Variants in OGFOD2 observed in about 807,000 individuals in gnomAD.
OGFOD2 encodes 2-oxoglutarate and iron-dependent oxygenase domain-containing protein 2.
Under a neutral mutation model 31.1 loss-of-function variants are expected in OGFOD2, and 34 were observed. The ratio of observed to expected loss-of-function variants is 1.09; its 90% confidence interval spans 0.83 to 1.45. The LOEUF is 1.45. OGFOD2 is among the 40% of genes most tolerant of loss of function. The pLI is 0.00. For synonymous variants in OGFOD2, 240 were observed against 192.3 expected, an observed-to-expected ratio of 1.25 and a Z score of -2.05; for missense variants, 537 against 433.9, an observed-to-expected ratio of 1.24 and a Z score of -2.11.
At chr12:122,978,539 G>A (rs1241812247) in exon 5 of OGFOD2, 2 of 1,613,304 alleles carry the variant, frequency 1.2e-6, no homozygotes, top group East Asian at 4.5e-5. Context: ...ACATGCCTAA[G>A]GGGAGGCCCA....
At chr12:122,976,609 G>A in intron 2 of OGFOD2, 45 bp from the exon 3 acceptor site, 1 of 1,405,108 alleles carries the variant, frequency 7.1e-7, no homozygotes, top group Non-Finnish European at 1.0e-6. Flanking sequence ...AGTGGCCTCA[G>A]GAGGATGGGA....
intron 2 of OGFOD2, chr12:122,976,364 G>T: frequency 6.2e-7 from 1 of 1,613,678 alleles, no homozygotes; most frequent in South Asian, 1.1e-5. Context: ...ACTTGGCCAT[G>T]ACTGTCTCCT....
intron 4 of OGFOD2, 82 bp from the exon 5 acceptor site, chr12:122,978,360 G>A (rs2037494266): frequency 1.9e-6 from 3 of 1,561,974 alleles, no homozygotes; most frequent in Non-Finnish European, 1.7e-6. Flanking sequence ...CATGGCACAG[G>A]TGATGAAACA....
At chr12:122,978,677 G>T in intron 5 of OGFOD2, 76 bp from the exon 6 acceptor site, 1 of 1,587,044 alleles carries the variant, frequency 6.3e-7, no homozygotes, top group Non-Finnish European at 8.6e-7. Context: ...GAAGGTCACA[G>T]TGGGATCACC....
chr12:122,976,417 C>G, intron 2 of OGFOD2: 1 of 1,613,222 alleles, frequency 6.2e-7, no homozygotes, highest in Non-Finnish European at 8.5e-7. Flanking sequence ...TCTAGGGGTT[C>G]TCATCCCAGC....
Position 122,978,740 on chromosome 12 carries a change from A to C in OGFOD2, c.532-13A>C. The C allele has an allele frequency of 6.2e-7, 1 of 1,603,030 alleles. No homozygotes were observed. The highest frequency in any genetic ancestry group is 8.5e-7 in the Non-Finnish European group (1 of 1,173,560). On this transcript the variant is annotated splice_polypyrimidine_tract_variant and intron_variant, in intron 5 of 6. Transcript: ENST00000228922. ...CTCTAGTTTCCTTGCTGACCCCAGG[A>C]ATCCCCTCCCAGGTGCTGCTGCACG...
chr12:122,977,025 C>T, intron 4 of OGFOD2, 55 bp downstream of exon 4: 2 of 1,540,378 alleles, frequency 1.3e-6, no homozygotes, highest in Non-Finnish European at 1.8e-6. Context: ...CCTGGGAAAC[C>T]TGGGTGTGGG....
chr12:122,979,329 G>A lies in OGFOD2; in HGVS notation c.1036G>A (p.Val346Ile), dbSNP rs375873012. ...CCGAGAGGAGCCCGCCACGGTGGAT[G>A]TATGTGCGCTCACCTGAGCTTGCTT... The change falls in exon 7 of 7, where the codon GTA (valine) becomes ATA (isoleucine). Residue 346 changes from valine (V) to isoleucine (I), a missense_variant. Physicochemically the swap from Val to Ile is conservative, Grantham distance 29. Transcript: ENST00000228922. 7 of 1,608,960 alleles carry A rather than the reference G, an allele frequency of 4.4e-6. No homozygotes were observed. The African/African-American group carries it at 8.0e-5, about 18-fold the overall frequency.
chr12:122,976,423 C>T (rs375880256), intron 2 of OGFOD2: 139 of 1,612,828 alleles, frequency 8.6e-5, no homozygotes, highest in Non-Finnish European at 1.2e-4. Flanking sequence ...GGTTCTCATC[C>T]CAGCTAGGCT....
exon 4 of OGFOD2, chr12:122,976,879 T>C: frequency 1.2e-6 from 2 of 1,606,180 alleles, no homozygotes; most frequent in Non-Finnish European, 1.7e-6. Context: ...AGGATGCAGC[T>C]CTGGCCCCCG....
At chr12:122,975,558 C>A in intron 1 of OGFOD2, 175 bp downstream of exon 1, 1 of 592,922 alleles carries the variant, frequency 1.7e-6, no homozygotes, top group Non-Finnish European at 3.0e-6. Context: ...TAGTATCTCC[C>A]TGTGAGATTG....
exon 3 of OGFOD2, chr12:122,976,754 A>G (rs2037446235): frequency 1.2e-6 from 2 of 1,613,286 alleles, no homozygotes; most frequent in Admixed American, 1.7e-5. Context: ...CCTGAGGTCT[A>G]CGACTCACTG....
chr12:122,977,747 G>C (rs1343074249), intron 4 of OGFOD2: 8 of 154,488 alleles, frequency 5.2e-5, no homozygotes, highest in Admixed American at 5.1e-4. Context: ...TGGAGCCTGT[G>C]CTTTGTTGGG....
chr12:122,979,257 C>T (rs760108636), exon 7 of OGFOD2: 9 of 1,612,856 alleles, frequency 5.6e-6, no homozygotes, highest in South Asian at 2.2e-5. Flanking sequence ...CATGTGCTGC[C>T]GTGAGCCCGA....
exon 6 of OGFOD2, chr12:122,978,999 GGCCTCT>G: frequency 6.2e-7 from 1 of 1,612,792 alleles, no homozygotes; most frequent in Non-Finnish European, 8.5e-7. Flanking sequence ...GTATTTTGGG[GGCCTCT>G]TCCAGGTGAG....
At chr12:122,978,233 TA>T (rs1295593039) in intron 4 of OGFOD2, 4 of 566,610 alleles carry the variant, frequency 7.1e-6, no homozygotes, top group African/African-American at 1.9e-5. Context: ...TGGACACTTG[TA>T]GAGTCTGGGG....
intron 4 of OGFOD2, 173 bp from the exon 5 acceptor site, chr12:122,978,269 G>A: frequency 1.4e-6 from 1 of 723,450 alleles, no homozygotes; most frequent in Non-Finnish European, 2.2e-6. Flanking sequence ...TAAGTGGGGG[G>A]CATGGGAATC....
intron 4 of OGFOD2, 81 bp downstream of exon 4, chr12:122,977,051 C>A: frequency 1.5e-6 from 2 of 1,350,162 alleles, no homozygotes; most frequent in Non-Finnish European, 2.1e-6. Context: ...GGGGTCCCTC[C>A]AGCCACCATC....
rs74377438 is a variant in OGFOD2, at chr12:122,977,134, G to A, written c.403+164G>A. Reference sequence around the variant, plus strand: ...CCAACCTGCCAGGAGCAGGACATCCGCATTCATTCATTCAATACCTGCCAT... The same window carrying A: ...CCAACCTGCCAGGAGCAGGACATCCACATTCATTCATTCAATACCTGCCAT... On this transcript the variant is annotated intron_variant, in intron 4 of 6. Coordinates refer to ENST00000228922, the Ensembl canonical transcript of OGFOD2. 9.6e-3 allele frequency: 6,658 copies of A among 695,230 alleles called. 325 individuals carry two copies. The African/African-American group carries it at 0.1, about 11-fold the overall frequency. 43.1% of individuals were successfully genotyped at this position (695,230 alleles called of 1,614,324 possible). A position where few individuals can be genotyped will look rare whatever the true frequency, so the allele number is the denominator to read the frequency against.
Sources: allele counts gnomAD v4.1 joint callset, GRCh38; gene constraint gnomAD v4.1.1; transcripts MANE v1.5; gene names NCBI Gene and HGNC (gene_info 2026-07-23, HGNC 2026-07-21).